The following IGF2R variants were observed in gnomAD, a reference collection of about 807,000 sequenced individuals.
The protein encoded by IGF2R is cation-independent mannose-6-phosphate receptor.
IGF2R carries 91 observed loss-of-function variants against 270.6 expected under a neutral mutation model. The observed-to-expected ratio is 0.34, with a 90% CI of 0.28 to 0.40. The LOEUF (loss-of-function observed/expected upper bound fraction) is 0.40. Among genes scored for constraint, IGF2R ranks in the 10% least tolerant of loss-of-function variants. The pLI, the probability that IGF2R is intolerant of heterozygous loss-of-function variation, is 1.00. For synonymous variants in IGF2R, 1,316 were observed against 1,258.9 expected, an observed-to-expected ratio of 1.05 and a Z score of -0.96; for missense variants, 2,805 against 3,188.3, an observed-to-expected ratio of 0.88 and a Z score of 2.90.
chr6:160,087,877 T>C (rs1779129225), intron 41 of IGF2R, among the ~76,000 whole-genome samples, 156 bp from the exon 42 acceptor site: 2 of 152,198 alleles, frequency 1.3e-5, no homozygotes, highest in South Asian at 4.1e-4. Context: ...GGTTTCACCA[T>C]GTTGGTCAGG....
intron 29 of IGF2R, among the ~76,000 whole-genome samples, chr6:160,065,792 G>GTT (rs1327917899): frequency 7.0e-4 from 41 of 58,520 alleles, no homozygotes; most frequent in African/African-American, 3.3e-3. Flanking sequence ...ATGTGTGTGT[G>GTT]TGTGTGTGTG....
chr6:160,050,814 G>A lies in IGF2R; in HGVS notation c.2694+162G>A, dbSNP rs1778179966. 6.6e-6 allele frequency among the ~76,000 whole-genome samples: 1 copy of A among 152,200 alleles called. No individual in the cohort carries two copies. Among genetic ancestry groups the A allele is most frequent in the Non-Finnish European group, 1.5e-5 (1 of 68,044 alleles). ...TGCGGTATATATGTTCACAGGCAGG[G>A]AGTGATTTGTGGTACCTTCATGGCT... is the stretch of plus-strand genomic sequence containing the variant. On this transcript the variant is annotated intron_variant, in intron 19 of 47. Coordinates refer to ENST00000356956, the MANE Select transcript of IGF2R (RefSeq NM_000876.4). The surrounding 1 kb of genome is among the most constrained non-coding windows in gnomAD (Gnocchi z 4.0).
Position 160,061,532 on chromosome 6 carries a change from G to A in IGF2R, c.3292G>A (p.Gly1098Ser). Residue 1098 changes from glycine (G) to serine (S), a missense_variant, in exon 24 of 48, where the codon GGC (glycine) becomes AGC (serine). Coordinates refer to ENST00000356956, the MANE Select transcript of IGF2R (RefSeq NM_000876.4). ...GGCTGGAAATGAGTACGACCTGACT[G>A]GCCTAAGCACAGTCAGGAAACCTTG... Reference protein sequence around the residue: ...DLAGNEYDLTGLSTVRKPWTA... With the variant: ...DLAGNEYDLTSLSTVRKPWTA... 6.2e-7 allele frequency: 1 copy of A among 1,614,126 alleles called. No homozygotes were observed. The highest frequency in any genetic ancestry group is 8.5e-7 in the Non-Finnish European group (1 of 1,179,996).
rs938566316 is a variant in IGF2R, at chr6:159,988,470, G to A, written c.150-2714G>A. On this transcript the variant is annotated intron_variant, in intron 1 of 47. Coordinates refer to ENST00000356956, the MANE Select transcript of IGF2R (RefSeq NM_000876.4). ...GGAGCTTGCAATGAGCGGAGATTGC[G>A]CCACTGCACTCCAGCCTGGGCGACA... Among the ~76,000 whole-genome samples the A allele has an allele frequency of 9.8e-5, 13 of 133,210 alleles. No individual in the cohort carries two copies. The South Asian group carries it at 1.8e-3, about 19-fold the overall frequency. The allele number at this position is 133,210 out of a possible 152,430, so 87.4% of individuals were successfully genotyped here.
chr6:159,991,086 G>T, intron 1 of IGF2R, 98 bp from the exon 2 acceptor site: 9 of 1,134,412 alleles, frequency 7.9e-6, no homozygotes, highest in Non-Finnish European at 1.1e-5. Context: ...TTTCTAGTTT[G>T]TGGCAGTTTT....
intron 1 of IGF2R, among the ~76,000 whole-genome samples, chr6:159,979,499 A>C (rs1783746398): frequency 6.6e-6 from 1 of 152,166 alleles, no homozygotes; most frequent in African/African-American, 2.4e-5. Context: ...TCACCCCTTT[A>C]GAGTGACAGG....
rs1271585066 is a variant in IGF2R at position 160,073,123 on chromosome 6, A to AT, written c.4691-88dup. The AT allele has an allele frequency of 3.3e-6, 5 of 1,530,776 alleles. No homozygotes were observed. In the African/African-American group the frequency reaches 6.9e-5, roughly 21 times the overall value. The allele number at this position is 1,530,776 out of a possible 1,614,324, so 94.8% of individuals were successfully genotyped here. A position where few individuals can be genotyped will look rare whatever the true frequency, so the allele number is the denominator to read the frequency against. On this transcript the variant is annotated intron_variant, in intron 33 of 47. Coordinates refer to ENST00000356956, the MANE Select transcript of IGF2R (RefSeq NM_000876.4). ...TGAAGTTATAAGTGTTGGCTATGAAATTGATGGTCCTGACTTGCGAAAGTT... is the reference window on the plus strand; with the variant it reads ...TGAAGTTATAAGTGTTGGCTATGAAATTTGATGGTCCTGACTTGCGAAAGTT...
intron 9 of IGF2R, 116 bp from the exon 10 acceptor site, chr6:160,034,303 G>T: frequency 1.6e-6 from 1 of 621,980 alleles, no homozygotes; most frequent in Non-Finnish European, 3.0e-6. Flanking sequence ...TGCTGTTTTA[G>T]ATCCGTAGTG....
At chr6:159,973,550 C>A (rs112362813) in intron 1 of IGF2R, among the ~76,000 whole-genome samples, 2 of 151,752 alleles carry the variant, frequency 1.3e-5, no homozygotes, top group African/African-American at 4.8e-5. Context: ...TTTTTTTTCC[C>A]TGTAATTTTT....
chr6:160,082,562 G>A (rs1031689539), intron 39 of IGF2R, among the ~76,000 whole-genome samples: 9 of 152,080 alleles, frequency 5.9e-5, no homozygotes, highest in African/African-American at 1.9e-4. Context: ...CGCCCACCTC[G>A]GCCTCCCAGA....
chr6:159,979,442 G>A (rs899963388), intron 1 of IGF2R, among the ~76,000 whole-genome samples: 11 of 152,184 alleles, frequency 7.2e-5, no homozygotes, highest in African/African-American at 1.2e-4. Context: ...CTCTCGAAGC[G>A]TCAGTTATAC....
At chr6:160,010,859 A>C (rs879543012) in intron 4 of IGF2R, 74 bp downstream of exon 4, 1 of 857,012 alleles carries the variant, frequency 1.2e-6, no homozygotes, top group Admixed American at 2.2e-5. Flanking sequence ...TACTGATTCT[A>C]ACCTTTCCGG....
chr6:160,065,273 T>A (rs1778542966), intron 29 of IGF2R, among the ~76,000 whole-genome samples: 1 of 152,184 alleles, frequency 6.6e-6, no homozygotes, highest in African/African-American at 2.4e-5. Context: ...CAGATCGCCC[T>A]CTGGACACCT....
chr6:160,033,974 A>G (rs1167758619), intron 9 of IGF2R, among the ~76,000 whole-genome samples: 1 of 152,222 alleles, frequency 6.6e-6, no homozygotes, highest in Non-Finnish European at 1.5e-5. Flanking sequence ...TGAGCTTTTT[A>G]AAAGCATGGA....
chr6:160,104,730 C>A lies in IGF2R; in HGVS notation c.7122C>A (p.Ile2374=), dbSNP rs374200230. The change falls in exon 48 of 48, where the codon ATC becomes ATA. Residue 2374 remains isoleucine (I), a synonymous_variant. Coordinates refer to ENST00000356956, the MANE Select transcript of IGF2R (RefSeq NM_000876.4). The part of the protein sequence containing the change: ...ENETEWLMEE[I]QLPPPRQGKE... ...AAACAGAGTGGCTGATGGAAGAGAT[C>A]CAGCTGCCTCCTCCACGGCAGGGAA... is the stretch of plus-strand genomic sequence containing the variant. 2.7e-5 allele frequency: 43 copies of A among 1,613,990 alleles called. No homozygotes were observed. The East Asian group carries it at 6.9e-4, about 26-fold the overall frequency.
intron 1 of IGF2R, among the ~76,000 whole-genome samples, chr6:159,975,701 T>TATATATATATATATATATATAA (rs1554234055): frequency 6.8e-6 from 1 of 146,648 alleles, no homozygotes; most frequent in Admixed American, 6.9e-5. Context: ...TATATATATA[T>TATATATATATATATATATATAA]AAAGTATATG....
intron 45 of IGF2R, among the ~76,000 whole-genome samples, chr6:160,100,173 A>G (rs1342284093): frequency 1.3e-5 from 2 of 152,220 alleles, no homozygotes; most frequent in Non-Finnish European, 2.9e-5. Context: ...AATCATAAGT[A>G]TAGCTTGACT....
rs2297367 is a variant in IGF2R at position 160,102,677 on chromosome 6, C to G, written c.6995+6C>G. On this transcript the variant is annotated splice_donor_region_variant and intron_variant, in intron 46 of 47. Transcript: ENST00000356956. The surrounding 1 kb of genome is among the most constrained non-coding windows in gnomAD (Gnocchi z 4.5). ...CTCTACAAGAAGGAGAGGAGGTAAG[C>G]GGGTGGCAGGGCGAGGTGGGGCGGG... 6.3e-7 allele frequency: 1 copy of G among 1,590,532 alleles called. No homozygotes were observed. Among genetic ancestry groups the G allele is most frequent in the Non-Finnish European group, 8.6e-7 (1 of 1,165,802 alleles).
At chr6:160,056,278 T>C in intron 19 of IGF2R, 146 bp from the exon 20 acceptor site, 1 of 637,830 alleles carries the variant, frequency 1.6e-6, no homozygotes, top group Admixed American at 2.4e-5. Flanking sequence ...AATTAGGTAA[T>C]GCACATTAAG....
Sources: gnomAD v4.1 joint callset for allele counts (sites outside exome capture counted in the v4.1 genomes callset) on GRCh38, gnomAD v4.1.1 for gene constraint, Gnocchi (gnomAD v3.1) non-coding constraint, MANE v1.5 for transcripts, NCBI Gene and HGNC (gene_info 2026-07-23, HGNC 2026-07-21) for gene names.